The following TMEM229B variants were observed in gnomAD, a reference collection of about 807,000 sequenced individuals.
The protein encoded by TMEM229B is transmembrane protein 229B.
TMEM229B carries 6 observed loss-of-function variants against 13.7 expected under a neutral mutation model. That is an observed-to-expected ratio of 0.44 (90% CI 0.24 to 0.86). TMEM229B has a LOEUF of 0.86. Ranked by LOEUF, TMEM229B falls within the 40% of genes least tolerant of loss-of-function variation. TMEM229B has a pLI of 0.23. For missense variants in TMEM229B, 170 were observed against 236.0 expected (o/e 0.72, Z 1.83); for synonymous variants, 107 against 102.1 (o/e 1.05, Z -0.29).
rs866699741 is a variant in TMEM229B, at chr14:67,529,662, A to T, written c.-192+3974T>A. ...AATCACTGCCTTCCTAGCCCCACTTAGATGGTGACTCTTGACACTCTGCTC... is the reference window on the plus strand; with the variant it reads ...AATCACTGCCTTCCTAGCCCCACTTTGATGGTGACTCTTGACACTCTGCTC... On this transcript the variant is annotated intron_variant, in intron 1 of 2. Transcript: ENST00000554278. 2.0e-5 allele frequency among the ~76,000 whole-genome samples: 3 copies of T among 152,074 alleles called. No homozygotes were observed. In the South Asian group the frequency reaches 6.2e-4, roughly 32 times the overall value.
Position 67,496,015 on chromosome 14 carries a change from G to A in TMEM229B, c.-191-8843C>T, listed in dbSNP as rs991511086. 5.8e-4 allele frequency among the ~76,000 whole-genome samples: 89 copies of A among 152,256 alleles called. 1 individual carries two copies. Among genetic ancestry groups the A allele is most frequent in the Admixed American group, 5.2e-3 (80 of 15,296 alleles). ...CAGGTTCACTGTCACAGCTGTGTGT[G>A]GCCATGTTAGATAACGCACAGCCAA... On this transcript the variant is annotated intron_variant, in intron 1 of 2. Coordinates refer to the TMEM229B transcript ENST00000357461.
intron 1 of TMEM229B, among the ~76,000 whole-genome samples, chr14:67,504,886 C>T (rs1037047289): frequency 1.3e-5 from 2 of 151,968 alleles, no homozygotes; most frequent in African/African-American, 4.8e-5. Context: ...CACTCCGTCT[C>T]AAACAAAACA....
Position 67,473,573 on chromosome 14 carries a change from G to A in TMEM229B, c.351C>T (p.Thr117=). 1 of 1,612,572 alleles carries A rather than the reference G, an allele frequency of 6.2e-7. No homozygotes were observed. Among genetic ancestry groups the A allele is most frequent in the Non-Finnish European group, 8.5e-7 (1 of 1,179,324 alleles). ...AGAACCAGGGCACGGCGTACTCCAG[G>A]GTGATGAGGCCCATGAAGTCAAAGT... ...QFDFDFMGLI[T]LEYAVPWFCG... is the part of the protein sequence containing the mutation. Residue 117 remains threonine (T), a synonymous_variant, in exon 3 of 3, where the codon ACC becomes ACT. Transcript: ENST00000554480. The surrounding 1 kb of genome is among the most constrained non-coding windows in gnomAD (Gnocchi z 6.5).
chr14:67,485,655 A>G (rs959154770), intron 2 of TMEM229B, among the ~76,000 whole-genome samples: 1 of 152,182 alleles, frequency 6.6e-6, no homozygotes, highest in Non-Finnish European at 1.5e-5. Flanking sequence ...CTGCACAGAC[A>G]TAACAGCCTT....
chr14:67,522,927 G>T (rs1438943878), intron 1 of TMEM229B, among the ~76,000 whole-genome samples: 1 of 152,230 alleles, frequency 6.6e-6, no homozygotes, highest in Admixed American at 6.5e-5. Flanking sequence ...CTTGTCCGGG[G>T]AATTAGTTCA....
rs1159894578 is a variant in TMEM229B, at chr14:67,471,417, C to T, written c.*2003G>A. ...AGACAACATGGAGTTGGAGAGAGAA[C>T]CAAGGAAACAATTGCCCAGAGAGAA... On this transcript the variant is annotated 3_prime_UTR_variant, in exon 3 of 3. Transcript: ENST00000554480. 6.6e-6 allele frequency: 1 copy of T among 152,186 alleles called. No individual in the cohort carries two copies. Among genetic ancestry groups the T allele is most frequent in the East Asian group, 1.9e-4 (1 of 5,190 alleles). 9.4% of individuals were successfully genotyped at this position (152,186 alleles called of 1,614,324 possible).
intron 1 of TMEM229B, among the ~76,000 whole-genome samples, chr14:67,495,184 G>A (rs2032318093): frequency 6.6e-6 from 1 of 152,174 alleles, no homozygotes; most frequent in Non-Finnish European, 1.5e-5. Flanking sequence ...GGTCATCAGA[G>A]GTCTCCACTG....
chr14:67,533,334 C>G (rs1211285540), intron 1 of TMEM229B: 1 of 151,338 alleles, frequency 6.6e-6, no homozygotes, highest in Non-Finnish European at 1.5e-5. Flanking sequence ...AGGTCGGCTG[C>G]GGCGGCGGCC....
chr14:67,493,400 C>A (rs952476381), upstream of TMEM229B, among the ~76,000 whole-genome samples: 4 of 152,132 alleles, frequency 2.6e-5, no homozygotes, highest in African/African-American at 9.7e-5. Flanking sequence ...GCGGTCCAAC[C>A]CCAGCCAACA....
intron 1 of TMEM229B, chr14:67,503,508 T>C (rs1440464477): frequency 1.3e-5 from 2 of 152,196 alleles, no homozygotes; most frequent in Non-Finnish European, 2.9e-5. Context: ...GCATTTCCCA[T>C]CCCTGCATGC....
At chr14:67,499,855 A>T (rs2032533643) in intron 1 of TMEM229B, among the ~76,000 whole-genome samples, 2 of 147,340 alleles carry the variant, frequency 1.4e-5, no homozygotes, top group South Asian at 4.4e-4. Flanking sequence ...AAAAAAAAAA[A>T]GTTATGCCCT....
At chr14:67,527,826 G>A (rs1257322440) in intron 1 of TMEM229B, among the ~76,000 whole-genome samples, 1 of 152,198 alleles carries the variant, frequency 6.6e-6, no homozygotes, top group Non-Finnish European at 1.5e-5. Flanking sequence ...CAAAGTAGTG[G>A]CTGAGCAAGA....
chr14:67,473,573 G>C lies in TMEM229B; in HGVS notation c.351C>G (p.Thr117=), dbSNP rs1278987603. Residue 117 remains threonine (T), a synonymous_variant, in exon 3 of 3, where the codon ACC becomes ACG. Transcript: ENST00000554480. This position sits in a 1 kb window ranked among gnomAD's most constrained non-coding sequence, Gnocchi z 6.5. ...QFDFDFMGLI[T]LEYAVPWFCG... is the part of the protein sequence containing the mutation. ...AGAACCAGGGCACGGCGTACTCCAG[G>C]GTGATGAGGCCCATGAAGTCAAAGT... 2 of 1,612,454 alleles carry C rather than the reference G, an allele frequency of 1.2e-6. No individual in the cohort carries two copies. Among genetic ancestry groups the C allele is most frequent in the Non-Finnish European group, 1.7e-6 (2 of 1,179,332 alleles).
At chr14:67,521,598 T>C (rs544775076) in intron 1 of TMEM229B, among the ~76,000 whole-genome samples, 25 of 152,360 alleles carry the variant, frequency 1.6e-4, no homozygotes, top group African/African-American at 5.8e-4. Flanking sequence ...ATAAGGACTA[T>C]GCAGTATTCA....
intron 1 of TMEM229B, among the ~76,000 whole-genome samples, chr14:67,523,604 T>C (rs2033322388): frequency 2.0e-5 from 3 of 152,248 alleles, no homozygotes; most frequent in Non-Finnish European, 1.5e-5. Context: ...TGTGCGATTA[T>C]TTGTGTTCTA....
intron 1 of TMEM229B, among the ~76,000 whole-genome samples, chr14:67,496,215 T>C (rs1253333158): frequency 1.3e-5 from 2 of 151,964 alleles, no homozygotes; most frequent in African/African-American, 4.8e-5. Context: ...AAATTTTGTA[T>C]CTATTTATTT....
At chr14:67,508,763 A>AAAAAAAAAAAAAAAAAAAAC (rs2032924787) in intron 1 of TMEM229B, among the ~76,000 whole-genome samples, 1 of 150,536 alleles carries the variant, frequency 6.6e-6, no homozygotes, top group East Asian at 1.9e-4. Context: ...CAAAAAAAAA[A>AAAAAAAAAAAAAAAAAAAAC]AAAAAAAACA....
intron 2 of TMEM229B, among the ~76,000 whole-genome samples, chr14:67,485,013 A>G (rs928177568): frequency 6.6e-6 from 1 of 152,248 alleles, no homozygotes; most frequent in African/African-American, 2.4e-5. Context: ...CAAAGGGAAC[A>G]GTTGTTTCCC....
At chr14:67,500,458 A>G (rs2032560395) in intron 1 of TMEM229B, among the ~76,000 whole-genome samples, 1 of 152,152 alleles carries the variant, frequency 6.6e-6, no homozygotes, top group South Asian at 2.1e-4. Context: ...CAGGGCAACA[A>G]GAGTGACACT....
Sources: allele counts gnomAD v4.1 joint callset (sites outside exome capture counted in the v4.1 genomes callset), GRCh38; gene constraint gnomAD v4.1.1; non-coding constraint Gnocchi (gnomAD v3.1); transcripts MANE v1.5; gene names NCBI Gene and HGNC (gene_info 2026-07-23, HGNC 2026-07-21).